Variants in ATF7 observed in about 807,000 individuals in gnomAD.
ATF7 encodes the protein activating transcription factor 7.
In ATF7, 10 loss-of-function variants were observed where a neutral mutation model predicts 50.4. The observed-to-expected ratio is 0.20, with a 90% CI of 0.12 to 0.34. The LOEUF is 0.34. ATF7 is among the 10% of genes least tolerant of loss of function. The pLI is 1.00. For missense variants in ATF7, 465 were observed against 613.9 expected, an observed-to-expected ratio of 0.76 and a Z score of 2.56; for synonymous variants, 201 against 226.4, an observed-to-expected ratio of 0.89 and a Z score of 1.01.
chr12:53,571,639 A>C (rs7302232), intron 2 of ATF7, among the ~76,000 whole-genome samples: 1 of 144,540 alleles, frequency 6.9e-6, no homozygotes, highest in African/African-American at 2.6e-5. Flanking sequence ...CCATCTCTTT[A>C]AAAAAAAAAA....
At chr12:53,565,250 G>C (rs1332542488) in intron 2 of ATF7, among the ~76,000 whole-genome samples, 3 of 151,540 alleles carry the variant, frequency 2.0e-5, no homozygotes, top group African/African-American at 7.3e-5. Flanking sequence ...GGGCAATGTA[G>C]GAAAGAGGGT....
At chr12:53,605,859 C>T (rs1165075369) in intron 1 of ATF7, among the ~76,000 whole-genome samples, 6 of 152,134 alleles carry the variant, frequency 3.9e-5, no homozygotes, top group African/African-American at 1.4e-4. Context: ...AATAAATATT[C>T]ACTGATTTAA....
chr12:53,609,424 G>T (rs577632187), intron 1 of ATF7, among the ~76,000 whole-genome samples: 1 of 151,408 alleles, frequency 6.6e-6, no homozygotes, highest in East Asian at 1.9e-4. Flanking sequence ...AAAGTGCTGG[G>T]ATTATAGGCA....
At chr12:53,612,675 G>T (rs1211163233) in intron 1 of ATF7, among the ~76,000 whole-genome samples, 1 of 152,028 alleles carries the variant, frequency 6.6e-6, no homozygotes, top group East Asian at 1.9e-4. Flanking sequence ...AATCATTCAT[G>T]AGTAAAAGAT....
chr12:53,548,849 G>T (rs2137477980), intron 3 of ATF7, among the ~76,000 whole-genome samples: 1 of 152,262 alleles, frequency 6.6e-6, no homozygotes, highest in Non-Finnish European at 1.5e-5. Flanking sequence ...TGGGTGTGTG[G>T]TGGTGCACAT....
At chr12:53,534,390 T>C (rs1353094622) in intron 6 of ATF7, 112 bp downstream of exon 6, 1 of 1,465,088 alleles carries the variant, frequency 6.8e-7, no homozygotes, top group African/African-American at 1.4e-5. Flanking sequence ...AGAGATAATC[T>C]CAGTGACTTA....
chr12:53,577,717 G>GAAAAAAAAA (rs747036727), intron 2 of ATF7, among the ~76,000 whole-genome samples: 4 of 96,312 alleles, frequency 4.2e-5, no homozygotes, highest in South Asian at 3.4e-4. Context: ...CTCCGTCTCT[G>GAAAAAAAAA]AAAAAAAAAA....
rs57397230 is a variant in ATF7 at position 53,561,329 on chromosome 12, T to TAA, written c.49-8694_49-8693dup. On this transcript the variant is annotated intron_variant, in intron 2 of 11. Coordinates refer to ENST00000420353, the MANE Select transcript of ATF7 (RefSeq NM_006856.3). ...GGTCAACAGAGTAAGACTGTCTCTT[T>TAA]AAAAAAAAAAAAAAAAAAAGTCATA... Among the ~76,000 whole-genome samples, 420 of 134,426 alleles carry TAA rather than the reference T, an allele frequency of 3.1e-3. 2 individuals carry two copies. The highest frequency in any genetic ancestry group is 6.2e-3 in the Admixed American group (82 of 13,218). The allele number at this position is 134,426 out of a possible 152,430, so 88.2% of individuals were successfully genotyped here. A position where few individuals can be genotyped will look rare whatever the true frequency, so the allele number is the denominator to read the frequency against.
At chr12:53,623,394 T>C (rs137863619) in intron 1 of ATF7, among the ~76,000 whole-genome samples, 16 of 152,332 alleles carry the variant, frequency 1.1e-4, no homozygotes, top group South Asian at 2.1e-4. Context: ...CAGAAGACTT[T>C]TTCATGAACT....
intron 2 of ATF7, among the ~76,000 whole-genome samples, chr12:53,564,273 G>T (rs1015987121): frequency 1.3e-5 from 2 of 152,182 alleles, no homozygotes; most frequent in African/African-American, 4.8e-5. Flanking sequence ...TTACTTGGGT[G>T]GCTGAGGCAC....
intron 2 of ATF7, among the ~76,000 whole-genome samples, chr12:53,572,538 G>C (rs1161675222): frequency 6.6e-6 from 1 of 152,144 alleles, no homozygotes; most frequent in African/African-American, 2.4e-5. Flanking sequence ...GTGAATATCA[G>C]GGGAAATTTC....
At chr12:53,537,595 C>G (rs775022425) in intron 4 of ATF7, 43 bp from the exon 5 acceptor site, 3 of 1,600,196 alleles carry the variant, frequency 1.9e-6, no homozygotes, top group Non-Finnish European at 2.6e-6. Flanking sequence ...CCTATGATTC[C>G]TTTCAGGTTG....
At chr12:53,567,358 G>A (rs1941495543) in intron 2 of ATF7, among the ~76,000 whole-genome samples, 1 of 152,180 alleles carries the variant, frequency 6.6e-6, no homozygotes. Context: ...AAGATGGTAA[G>A]AGAGTGGCAC....
downstream of ATF7, chr12:53,508,070 G>A (rs1435575515): frequency 6.6e-6 from 1 of 151,828 alleles, no homozygotes; most frequent in African/African-American, 2.4e-5. Flanking sequence ...ATGATGGAGA[G>A]AATTTAACTT....
At chr12:53,556,415 C>G (rs981919472) in intron 2 of ATF7, among the ~76,000 whole-genome samples, 1 of 152,142 alleles carries the variant, frequency 6.6e-6, no homozygotes, top group African/African-American at 2.4e-5. Context: ...ATGGCAAAAC[C>G]TATTTTTAAT....
At chr12:53,614,997 T>G (rs1371750634) in intron 1 of ATF7, among the ~76,000 whole-genome samples, 2 of 151,252 alleles carry the variant, frequency 1.3e-5, no homozygotes, top group African/African-American at 4.9e-5. Flanking sequence ...GGAGAATCAC[T>G]TGAACCCAGG....
At chr12:53,592,901 C>T (rs560904884) in intron 2 of ATF7, among the ~76,000 whole-genome samples, 18 of 152,176 alleles carry the variant, frequency 1.2e-4, no homozygotes, top group South Asian at 6.2e-4. Flanking sequence ...AGATATTTTG[C>T]TTTATAAATA....
At chr12:53,565,628 G>A (rs1172632403) in intron 2 of ATF7, among the ~76,000 whole-genome samples, 1 of 151,998 alleles carries the variant, frequency 6.6e-6, no homozygotes, top group African/African-American at 2.4e-5. Context: ...GAGTAGCTGG[G>A]ATTACAGGTG....
chr12:53,555,217 G>A (rs1442831657), intron 2 of ATF7, among the ~76,000 whole-genome samples: 1 of 151,782 alleles, frequency 6.6e-6, no homozygotes, highest in Non-Finnish European at 1.5e-5. Flanking sequence ...TACTCGGGGG[G>A]CTGGGGCTGA....
Sources: gnomAD v4.1 joint callset for allele counts (sites outside exome capture counted in the v4.1 genomes callset) on GRCh38, gnomAD v4.1.1 for gene constraint, MANE v1.5 for transcripts, NCBI Gene and HGNC (gene_info 2026-07-23, HGNC 2026-07-21) for gene names.